Variants in QSER1 observed in about 807,000 individuals in gnomAD.
The protein encoded by QSER1 is glutamine and serine-rich protein 1.
Under a neutral mutation model 158.5 loss-of-function variants are expected in QSER1, and 49 were observed. The observed-to-expected ratio is 0.31, with a 90% confidence interval of 0.25 to 0.39. The LOEUF (loss-of-function observed/expected upper bound fraction) is 0.39, where lower values mean the gene tolerates loss of function less well. Ranked by LOEUF, QSER1 falls within the 10% of genes least tolerant of loss-of-function variation. QSER1 has a pLI of 1.00. For synonymous variants in QSER1, 650 were observed against 715.5 expected, an observed-to-expected ratio of 0.91 and a Z score of 1.46; for missense variants, 1,754 against 2,010.3, an observed-to-expected ratio of 0.87 and a Z score of 2.44.
At chr11:32,964,717 C>CATATATATATAT (rs375985842) in intron 8 of QSER1, among the ~76,000 whole-genome samples, 102 of 64,206 alleles carry the variant, frequency 1.6e-3, no homozygotes, top group African/African-American at 1.8e-3. Context: ...AAAAAAACAC[C>CATATATATATAT]ATATATATAT....
In QSER1 at chr11:32,957,998, A is replaced by G. The variant is rs981022918; in HGVS notation, c.4881A>G (p.Pro1627=). 4 of 1,614,030 alleles carry G rather than the reference A, an allele frequency of 2.5e-6. No individual in the cohort carries two copies. The highest frequency in any genetic ancestry group is 3.4e-6 in the Non-Finnish European group (4 of 1,180,026). The change falls in exon 8 of 13, where the codon CCA becomes CCG. Residue 1627 remains proline, a synonymous_variant. Coordinates refer to ENST00000650167, the MANE Select transcript of QSER1 (RefSeq NM_001076786.3). ...CAAAAGTAAAGGCTGAGCCACCACC[A>G]AAGAAACGGAAAAAATGGAAAGAAG... ...KQPKVKAEPP[P]KKRKKWKEEF...
chr11:32,956,508 T>TA (rs147664442), intron 7 of QSER1, among the ~76,000 whole-genome samples: 6,205 of 152,162 alleles, frequency 0.041, 390 homozygotes, highest in African/African-American at 0.13. Flanking sequence ...TAATTATTGA[T>TA]AAAAAAACTA....
Position 32,934,920 on chromosome 11 carries a change from A to G in QSER1, c.3662A>G (p.Gln1221Arg). ...GAGGAAGACAACAGTAATCAGAAAC[A>G]GCTGAAAAGACCTGCCCAAGGCAAA... ...VKEEDNSNQKQLKRPAQGKRQ... is the reference protein window; with the variant it reads ...VKEEDNSNQKRLKRPAQGKRQ... Residue 1221 changes from glutamine (Q) to arginine (R), a missense_variant, in exon 4 of 13, where the codon CAG (glutamine) becomes CGG (arginine). Physicochemically the swap from Gln to Arg is conservative, Grantham distance 43. Transcript: ENST00000650167. 1 of 1,613,802 alleles carries G rather than the reference A, an allele frequency of 6.2e-7. No individual in the cohort carries two copies. The highest frequency in any genetic ancestry group is 2.2e-5 in the East Asian group (1 of 44,888).
chr11:32,906,281 G>T (rs1851691842), intron 1 of QSER1, among the ~76,000 whole-genome samples: 1 of 151,996 alleles, frequency 6.6e-6, no homozygotes, highest in Non-Finnish European at 1.5e-5. Flanking sequence ...AATTAGCCAG[G>T]TGTGGTGGTG....
intron 9 of QSER1, among the ~76,000 whole-genome samples, chr11:32,968,668 A>G (rs1468377183): frequency 6.6e-6 from 1 of 152,178 alleles, no homozygotes; most frequent in Non-Finnish European, 1.5e-5. Context: ...GATTGTTCAG[A>G]GGGTAAATGA....
intron 1 of QSER1, among the ~76,000 whole-genome samples, chr11:32,910,149 C>T (rs1187473668): frequency 1.3e-5 from 2 of 152,218 alleles, no homozygotes; most frequent in Non-Finnish European, 2.9e-5. Flanking sequence ...CCACTTCAGG[C>T]CTTTTCCTAA....
intron 4 of QSER1, among the ~76,000 whole-genome samples, chr11:32,943,856 A>G (rs1474436157): frequency 1.3e-5 from 2 of 152,052 alleles, no homozygotes; most frequent in Admixed American, 6.6e-5. Context: ...CTGTGAATCC[A>G]TCTGGTCCTG....
intron 12 of QSER1, chr11:32,975,553 G>A: frequency 7.1e-7 from 1 of 1,404,222 alleles, no homozygotes; most frequent in Non-Finnish European, 9.4e-7. Flanking sequence ...ACCACCTCTT[G>A]TAGGAGCTAT....
At chr11:32,906,625 G>T (rs1266036697) in intron 1 of QSER1, among the ~76,000 whole-genome samples, 1 of 152,028 alleles carries the variant, frequency 6.6e-6, no homozygotes, top group Non-Finnish European at 1.5e-5. Context: ...TTTTCTCAGG[G>T]TGGTCTCAAA....
At chr11:32,923,854 G>C (rs924727501) in intron 1 of QSER1, among the ~76,000 whole-genome samples, 1 of 152,104 alleles carries the variant, frequency 6.6e-6, no homozygotes, top group African/African-American at 2.4e-5. Context: ...TGTAGTCCCA[G>C]CTACTCAGGA....
chr11:32,935,908 A>G (rs570103349), intron 4 of QSER1, among the ~76,000 whole-genome samples: 1 of 152,344 alleles, frequency 6.6e-6, no homozygotes, highest in East Asian at 1.9e-4. Flanking sequence ...GAACCATTAA[A>G]TGTGGTTATG....
At chr11:32,936,533 A>G (rs1239855627) in intron 4 of QSER1, among the ~76,000 whole-genome samples, 6 of 152,180 alleles carry the variant, frequency 3.9e-5, no homozygotes, top group Admixed American at 6.6e-5. Flanking sequence ...CCAAGGAAAA[A>G]TTTATTTGTA....
chr11:32,933,105 C>A lies in QSER1; in HGVS notation c.1847C>A (p.Ser616Tyr). The A allele has an allele frequency of 6.2e-7, 1 of 1,613,820 alleles. No homozygotes were observed. The highest frequency in any genetic ancestry group is 8.5e-7 in the Non-Finnish European group (1 of 1,179,956). The change falls in exon 4 of 13, where the codon TCT (serine) becomes TAT (tyrosine). Residue 616 changes from serine to tyrosine, a missense_variant. Transcript: ENST00000650167. Reference sequence around the variant, plus strand: ...TCTCGGGCTCAGAATTTGCCAGACTCTAGCCCGACCCAGAATTATATTTCT... The same window carrying A: ...TCTCGGGCTCAGAATTTGCCAGACTATAGCCCGACCCAGAATTATATTTCT... Reference protein sequence around the residue: ...SASRAQNLPDSSPTQNYISMH... With the variant: ...SASRAQNLPDYSPTQNYISMH...
At position 32,934,245 on chromosome 11, in the gene QSER1, C is replaced by T. The variant is rs759659764; in HGVS notation, c.2987C>T (p.Thr996Ile). 6.2e-7 allele frequency: 1 copy of T among 1,613,926 alleles called. No homozygotes were observed. The highest frequency in any genetic ancestry group is 1.1e-5 in the South Asian group (1 of 91,052). ...ATAAACGVTP[T>I]DFSKSTSNET... The stretch of plus-strand genomic sequence containing the variant: ...GCAGCAGCTTGTGGAGTTACACCTA[C>T]TGATTTTTCCAAGTCAACTTCAAAT... The change falls in exon 4 of 13, where the codon ACT (threonine) becomes ATT (isoleucine). Residue 996 changes from threonine to isoleucine, a missense_variant. By Grantham distance (89) the Thr-to-Ile change is moderately conservative. Transcript: ENST00000650167.
intron 1 of QSER1, among the ~76,000 whole-genome samples, chr11:32,917,325 G>A (rs1475729399): frequency 6.6e-6 from 1 of 152,248 alleles, no homozygotes; most frequent in Non-Finnish European, 1.5e-5. Context: ...GAACATTTAT[G>A]TACAAGTTTT....
At position 32,934,919 on chromosome 11, in the gene QSER1, C is replaced by T; in HGVS notation, c.3661C>T (p.Gln1221Ter). Residue 1221 changes from glutamine (Q) to a stop codon, truncating the protein, a stop_gained, in exon 4 of 13, where the codon CAG (glutamine) becomes TAG (stop). Coordinates refer to ENST00000650167, the MANE Select transcript of QSER1 (RefSeq NM_001076786.3). LOFTEE classifies it high-confidence loss of function. The part of the protein sequence containing the change: ...VKEEDNSNQK[Q>*]LKRPAQGKRQ... ...AGAGGAAGACAACAGTAATCAGAAA[C>T]AGCTGAAAAGACCTGCCCAAGGCAA... 1 of 1,613,724 alleles carries T rather than the reference C, an allele frequency of 6.2e-7. No homozygotes were observed. The highest frequency in any genetic ancestry group is 8.5e-7 in the Non-Finnish European group (1 of 1,179,936).
chr11:32,936,838 G>A (rs540400365), intron 4 of QSER1, among the ~76,000 whole-genome samples: 6 of 152,260 alleles, frequency 3.9e-5, no homozygotes, highest in Admixed American at 2.6e-4. Flanking sequence ...AAAGTGTTAC[G>A]AGACAGCTGG....
intron 9 of QSER1, among the ~76,000 whole-genome samples, chr11:32,967,930 G>A (rs2133604571): frequency 6.6e-6 from 1 of 152,262 alleles, no homozygotes; most frequent in East Asian, 1.9e-4. Context: ...TAAAGTTAAA[G>A]AACAGGTTAG....
chr11:32,931,977 C>G lies in QSER1; in HGVS notation c.719C>G (p.Thr240Ser). 6.2e-7 allele frequency: 1 copy of G among 1,614,200 alleles called. No homozygotes were observed. Among genetic ancestry groups the G allele is most frequent in the East Asian group, 2.2e-5 (1 of 44,880 alleles). The change falls in exon 4 of 13, where the codon ACT becomes AGT. Residue 240 changes from threonine to serine, a missense_variant. This residue lies in a region of QSER1 where 1,707 missense variants were observed against 1,919.6 expected (regional missense o/e 0.89). Transcript: ENST00000650167. ...AAGACTTCCCAGGGAACTGTTCCAACTGCTTTGGCATTTGAGCGCCTGGGC... is the reference window on the plus strand; with the variant it reads ...AAGACTTCCCAGGGAACTGTTCCAAGTGCTTTGGCATTTGAGCGCCTGGGC... ...QIKTSQGTVPTALAFERLGSS... is the reference protein window; with the variant it reads ...QIKTSQGTVPSALAFERLGSS...
Sources: allele counts gnomAD v4.1 joint callset (sites outside exome capture counted in the v4.1 genomes callset), GRCh38; gene constraint gnomAD v4.1.1; regional missense constraint gnomAD v4.1.1; transcripts MANE v1.5; gene names NCBI Gene and HGNC (gene_info 2026-07-23, HGNC 2026-07-21).